The following REXO5 variants were observed in gnomAD, a reference collection of about 807,000 sequenced individuals.
The protein encoded by REXO5 is RNA exonuclease 5, also known as exonuclease NEF-sp.
In REXO5, 48 loss-of-function variants were observed where a neutral mutation model predicts 88.5. The ratio of observed to expected loss-of-function variants is 0.54; its 90% CI spans 0.43 to 0.69. REXO5 has a LOEUF of 0.69. Among genes scored for constraint, REXO5 ranks in the 30% least tolerant of loss-of-function variants. The pLI is 0.00. For missense variants in REXO5, 749 were observed against 912.2 expected (o/e 0.82, Z 2.30); for synonymous variants, 311 against 336.5 (o/e 0.92, Z 0.83).
At chr16:20,835,146 T>TTTCC (rs1295965425) in intron 13 of REXO5, among the ~76,000 whole-genome samples, 4 of 152,084 alleles carry the variant, frequency 2.6e-5, no homozygotes, top group Non-Finnish European at 5.9e-5. Context: ...TCTTTCTTTC[T>TTTCC]TTCCTTCCTT....
chr16:20,816,056 C>A, intron 4 of REXO5, 60 bp from the exon 5 acceptor site: 2 of 1,372,886 alleles, frequency 1.5e-6, no homozygotes, highest in Middle Eastern at 1.8e-4. Flanking sequence ...AAGTCCAGGC[C>A]TTTCACAGTA....
intron 15 of REXO5, among the ~76,000 whole-genome samples, chr16:20,841,544 C>G (rs1399245763): frequency 3.9e-5 from 6 of 152,196 alleles, no homozygotes; most frequent in African/African-American, 1.4e-4. Flanking sequence ...AGTAAAAACA[C>G]TTCTAAAGTG....
chr16:20,829,955 G>GC (rs2081316245), intron 11 of REXO5, among the ~76,000 whole-genome samples: 2 of 152,174 alleles, frequency 1.3e-5, no homozygotes, highest in Non-Finnish European at 2.9e-5. Context: ...CTGTGGTACT[G>GC]CAAGAGCAGC....
intron 15 of REXO5, among the ~76,000 whole-genome samples, chr16:20,842,773 T>C (rs1218615818): frequency 3.3e-5 from 5 of 152,196 alleles, no homozygotes; most frequent in African/African-American, 9.6e-5. Flanking sequence ...TTTCTACCTT[T>C]GACTATCATG....
chr16:20,825,920 G>C lies in REXO5; in HGVS notation c.793G>C (p.Glu265Gln), dbSNP rs755741061. The C allele has an allele frequency of 1.2e-6, 2 of 1,613,742 alleles. No homozygotes were observed. The highest frequency in any genetic ancestry group is 1.7e-6 in the Non-Finnish European group (2 of 1,179,820). ...TGTTATGGATGAACTGGTCAAACCT[G>C]AAAACAAGATTCTGGACTACCTCAC... ...CCVMDELVKP[E>Q]NKILDYLTSF... Residue 265 changes from glutamate (E) to glutamine (Q), a missense_variant, in exon 8 of 20, where the codon GAA becomes CAA. Physicochemically the swap from Glu to Gln is conservative, Grantham distance 29. Coordinates refer to ENST00000261377, the MANE Select transcript of REXO5 (RefSeq NM_030941.3).
chr16:20,841,141 A>AAAAGCCCTTT (rs1442664367), intron 15 of REXO5, among the ~76,000 whole-genome samples: 15 of 152,314 alleles, frequency 9.8e-5, no homozygotes, highest in African/African-American at 3.6e-4. Context: ...GTATTTACAT[A>AAAAGCCCTTT]AAAGCCCTTT....
chr16:20,820,153 C>T (rs895675135), intron 5 of REXO5, among the ~76,000 whole-genome samples: 7 of 152,256 alleles, frequency 4.6e-5, no homozygotes, highest in East Asian at 3.9e-4. Flanking sequence ...CTCCCCATTA[C>T]GTATTGAATG....
intron 6 of REXO5, chr16:20,823,573 G>T (rs1279778586): frequency 6.6e-6 from 1 of 152,156 alleles, no homozygotes; most frequent in Non-Finnish European, 1.5e-5. Context: ...GAGATTTGAG[G>T]CTGCCTTTCT....
chr16:20,834,782 C>T lies in REXO5; in HGVS notation c.1383+1659C>T, dbSNP rs544851612. 9.9e-5 allele frequency among the ~76,000 whole-genome samples: 15 copies of T among 152,192 alleles called. No individual in the cohort carries two copies. In the Middle Eastern group the frequency reaches 0.024, roughly 242 times the overall value. Reference sequence around the variant, plus strand: ...TCACCTCACACATTGTATTTTTTACCTCTAGAAGTTAACTTTTGTTCTATT... The same window carrying T: ...TCACCTCACACATTGTATTTTTTACTTCTAGAAGTTAACTTTTGTTCTATT... On this transcript the variant is annotated intron_variant, in intron 13 of 19. Transcript: ENST00000261377.
intron 5 of REXO5, among the ~76,000 whole-genome samples, chr16:20,816,494 T>TTTTGTTTGTTTG (rs544594537): frequency 6.6e-6 from 1 of 151,858 alleles, no homozygotes; most frequent in Non-Finnish European, 1.5e-5. Flanking sequence ...CCCCAGCTAA[T>TTTTGTTTGTTTG]TTTGTTTGTT....
At chr16:20,809,244 C>T (rs528794754) in intron 2 of REXO5, among the ~76,000 whole-genome samples, 20 of 152,260 alleles carry the variant, frequency 1.3e-4, no homozygotes, top group Non-Finnish European at 2.5e-4. Flanking sequence ...TCTTTTTCTA[C>T]CCACCCTCAA....
intron 11 of REXO5, among the ~76,000 whole-genome samples, 187 bp downstream of exon 11, chr16:20,828,724 C>T (rs762223704): frequency 1.2e-4 from 18 of 151,910 alleles, no homozygotes; most frequent in Non-Finnish European, 2.2e-4. Context: ...GTCAGGAGTT[C>T]GAGACCAGCC....
chr16:20,838,954 T>C (rs2081481889), intron 13 of REXO5, among the ~76,000 whole-genome samples: 1 of 152,216 alleles, frequency 6.6e-6, no homozygotes, highest in Non-Finnish European at 1.5e-5. Context: ...CTTCTTGGTT[T>C]CATGCTGGTC....
chr16:20,844,049 C>T (rs2081570106), intron 16 of REXO5, 23 bp downstream of exon 16: 1 of 1,468,466 alleles, frequency 6.8e-7, no homozygotes, highest in Non-Finnish European at 9.5e-7. Flanking sequence ...GAGAAAGCCC[C>T]CTTTGCTTGG....
intron 13 of REXO5, among the ~76,000 whole-genome samples, chr16:20,837,275 T>A (rs2152509930): frequency 6.6e-6 from 1 of 152,314 alleles, no homozygotes; most frequent in African/African-American, 2.4e-5. Context: ...TTGTTTAAAG[T>A]CTAATTGTTT....
chr16:20,848,469 T>C (rs1305711936), intron 19 of REXO5, among the ~76,000 whole-genome samples: 3 of 152,218 alleles, frequency 2.0e-5, no homozygotes, highest in African/African-American at 7.2e-5. Flanking sequence ...CCAATTTTCC[T>C]AGGGTCACAT....
chr16:20,824,814 C>G, intron 7 of REXO5, among the ~76,000 whole-genome samples: 1 of 152,012 alleles, frequency 6.6e-6, no homozygotes, highest in East Asian at 1.9e-4. Flanking sequence ...TCAAGACCAT[C>G]CTGGCCAACA....
intron 7 of REXO5, among the ~76,000 whole-genome samples, chr16:20,825,269 A>T (rs2081243497): frequency 6.6e-6 from 1 of 152,188 alleles, no homozygotes; most frequent in South Asian, 2.1e-4. Context: ...AGTACTCAGG[A>T]AACAGTTTCT....
chr16:20,835,048 A>C (rs188436407), intron 13 of REXO5, among the ~76,000 whole-genome samples: 6 of 152,294 alleles, frequency 3.9e-5, no homozygotes, highest in Admixed American at 2.6e-4. Context: ...GTTGGGTGCT[A>C]TATATTTTTG....
Sources: gnomAD v4.1 joint callset for allele counts (sites outside exome capture counted in the v4.1 genomes callset) on GRCh38, gnomAD v4.1.1 for gene constraint, MANE v1.5 for transcripts, NCBI Gene and HGNC (gene_info 2026-07-23, HGNC 2026-07-21) for gene names.